GRM5: variants seen among roughly 807,000 people sequenced by gnomAD.
The protein encoded by GRM5 is glutamate metabotropic receptor 5, also known as metabotropic glutamate receptor 5.
GRM5 carries 19 observed loss-of-function variants against 83.1 expected under a neutral mutation model. The ratio of observed to expected loss-of-function variants is 0.23; its 90% CI spans 0.16 to 0.34. The LOEUF is 0.34. GRM5 is among the 10% of genes least tolerant of loss of function. GRM5 has a pLI of 1.00. For missense variants in GRM5, 1,160 were observed against 1,588.3 expected (o/e 0.73, Z 4.58); for synonymous variants, 675 against 633.6 (o/e 1.07, Z -0.98).
chr11:88,930,662 C>T (rs1457626346), intron 2 of GRM5, among the ~76,000 whole-genome samples: 1 of 152,036 alleles, frequency 6.6e-6, no homozygotes, highest in Non-Finnish European at 1.5e-5. Context: ...ATTCTCCTGC[C>T]TCAGCTTCCT....
intron 2 of GRM5, among the ~76,000 whole-genome samples, chr11:88,978,761 T>A (rs1453964557): frequency 6.6e-6 from 1 of 152,138 alleles, no homozygotes. Context: ...AAAAGCTTTC[T>A]GTTACGTCAT....
At chr11:88,796,267 G>C (rs531326809) in intron 3 of GRM5, among the ~76,000 whole-genome samples, 2 of 152,192 alleles carry the variant, frequency 1.3e-5, no homozygotes, top group East Asian at 3.9e-4. Context: ...TTATATTTTT[G>C]TTCCTATGAA....
intron 6 of GRM5, among the ~76,000 whole-genome samples, chr11:88,593,687 A>C (rs75239507): frequency 1.4e-4 from 21 of 150,034 alleles, no homozygotes; most frequent in South Asian, 6.4e-4. Context: ...AAAAAAAAAA[A>C]CAAAAAATTC....
intron 8 of GRM5, among the ~76,000 whole-genome samples, chr11:88,547,583 T>A (rs1024675783): frequency 2.0e-5 from 3 of 152,200 alleles, no homozygotes; most frequent in African/African-American, 7.2e-5. Context: ...CTCTATGAGT[T>A]CCTTTAATAG....
At chr11:88,833,189 G>A (rs547622092) in intron 3 of GRM5, among the ~76,000 whole-genome samples, 61 of 152,066 alleles carry the variant, frequency 4.0e-4, no homozygotes, top group Admixed American at 1.2e-3. Flanking sequence ...CTGTTGAATG[G>A]AAGAAAATAT....
chr11:88,623,270 AT>A (rs200968274), intron 4 of GRM5, among the ~76,000 whole-genome samples: 3 of 151,126 alleles, frequency 2.0e-5, no homozygotes, highest in Non-Finnish European at 2.9e-5. Context: ...TATTTTTAGT[AT>A]TTTTTTGTAT....
chr11:88,903,158 G>T (rs954519523), intron 2 of GRM5, among the ~76,000 whole-genome samples: 2 of 152,022 alleles, frequency 1.3e-5, no homozygotes, highest in African/African-American at 2.4e-5. Flanking sequence ...CGAAGCAAAT[G>T]CGAAGGCCCT....
chr11:88,845,423 C>CTTTTTTTTTTT lies in GRM5; in HGVS notation c.911+4472_911+4482dup, dbSNP rs71046265. Among the ~76,000 whole-genome samples, 184 of 92,434 alleles carry CTTTTTTTTTTT rather than the reference C, an allele frequency of 2.0e-3. 32 individuals are homozygous for CTTTTTTTTTTT. The highest frequency in any genetic ancestry group is 2.6e-3 in the African/African-American group (57 of 22,230). The allele number at this position is 92,434 out of a possible 152,430, so 60.6% of individuals were successfully genotyped here. On this transcript the variant is annotated intron_variant, in intron 3 of 9. Coordinates refer to ENST00000305447, the MANE Select transcript of GRM5 (RefSeq NM_001143831.3). ...AGGCTACAGTACAGTATAAACATAA[C>CTTTTTTTTTTT]TTTTTTTTTTTTTTTTTTTTTTTTT... is the stretch of plus-strand genomic sequence containing the variant.
At chr11:88,683,376 A>T (rs1259975964) in intron 3 of GRM5, among the ~76,000 whole-genome samples, 2 of 152,242 alleles carry the variant, frequency 1.3e-5, no homozygotes, top group Non-Finnish European at 2.9e-5. Context: ...CTAGTGGTAC[A>T]TCATGTAAAC....
intron 4 of GRM5, among the ~76,000 whole-genome samples, chr11:88,611,342 C>T (rs968937596): frequency 8.6e-5 from 13 of 152,022 alleles, no homozygotes; most frequent in African/African-American, 2.7e-4. Flanking sequence ...TTCTATTGGG[C>T]CCAGGACATT....
At chr11:89,001,627 T>C (rs1237437438) in intron 2 of GRM5, among the ~76,000 whole-genome samples, 1 of 152,106 alleles carries the variant, frequency 6.6e-6, no homozygotes, top group Non-Finnish European at 1.5e-5. Context: ...TGTTCTTGAC[T>C]GTATTAGTGT....
intron 3 of GRM5, among the ~76,000 whole-genome samples, chr11:88,746,186 C>T (rs1252300193): frequency 1.3e-5 from 2 of 152,248 alleles, no homozygotes; most frequent in Non-Finnish European, 2.9e-5. Flanking sequence ...AACAGCTTAA[C>T]TCAGGTGTTG....
chr11:88,906,023 T>G (rs1157638977), intron 2 of GRM5, among the ~76,000 whole-genome samples: 1 of 152,176 alleles, frequency 6.6e-6, no homozygotes, highest in African/African-American at 2.4e-5. Context: ...ATATTCAAAT[T>G]TATTTAAGTA....
chr11:88,813,196 T>A (rs552659082), intron 3 of GRM5, among the ~76,000 whole-genome samples: 3 of 152,336 alleles, frequency 2.0e-5, no homozygotes, highest in Admixed American at 1.3e-4. Flanking sequence ...CACAAATAAA[T>A]CTTTTAAATA....
intron 2 of GRM5, among the ~76,000 whole-genome samples, chr11:88,895,164 GTAAAC>G (rs983703096): frequency 6.6e-6 from 1 of 151,840 alleles, no homozygotes; most frequent in African/African-American, 2.4e-5. Flanking sequence ...AACTAAAAAA[GTAAAC>G]TAATTAAAAA....
At chr11:88,608,166 T>C (rs1326209782) in intron 4 of GRM5, among the ~76,000 whole-genome samples, 1 of 152,218 alleles carries the variant, frequency 6.6e-6, no homozygotes, top group African/African-American at 2.4e-5. Flanking sequence ...CTGATGTTTT[T>C]TGCTGCCTAT....
At chr11:89,025,240 A>G (rs1478375027) in intron 2 of GRM5, among the ~76,000 whole-genome samples, 1 of 152,224 alleles carries the variant, frequency 6.6e-6, no homozygotes, top group Non-Finnish European at 1.5e-5. Flanking sequence ...TGTTCAAGAG[A>G]TATCACTAGA....
chr11:88,525,023 A>G (rs887929858), intron 9 of GRM5, among the ~76,000 whole-genome samples: 2 of 152,186 alleles, frequency 1.3e-5, no homozygotes, highest in African/African-American at 2.4e-5. Flanking sequence ...CGTTTGACCA[A>G]TAAGTTAAAA....
intron 8 of GRM5, among the ~76,000 whole-genome samples, chr11:88,550,867 AGCT>A: frequency 6.6e-6 from 1 of 152,162 alleles, no homozygotes; most frequent in South Asian, 2.1e-4. Flanking sequence ...CTGGTAGCTA[AGCT>A]AATGGACTCT....
Sources: gnomAD v4.1 joint callset for allele counts (sites outside exome capture counted in the v4.1 genomes callset) on GRCh38, gnomAD v4.1.1 for gene constraint, MANE v1.5 for transcripts, NCBI Gene and HGNC (gene_info 2026-07-23, HGNC 2026-07-21) for gene names.